Variants in LRRC37A2 observed in about 807,000 individuals in gnomAD.
LRRC37A2 encodes leucine-rich repeat-containing protein 37A2.
Under a neutral mutation model 68.8 loss-of-function variants are expected in LRRC37A2, and 9 were observed. The ratio of observed to expected loss-of-function variants is 0.13; its 90% CI spans 0.08 to 0.23. The LOEUF (loss-of-function observed/expected upper bound fraction) is 0.23. LRRC37A2 is among the 10% of genes least tolerant of loss of function. The pLI is 1.00. For missense variants in LRRC37A2, 168 were observed against 950.4 expected, an observed-to-expected ratio of 0.18 and a Z score of 10.82; for synonymous variants, 63 against 367.6, an observed-to-expected ratio of 0.17 and a Z score of 9.48.
At chr17:46,695,225 GAC>G in the LRRC37A2 span, among the ~76,000 whole-genome samples, 1 of 139,660 alleles carries the variant, frequency 7.2e-6, no homozygotes, top group Non-Finnish European at 1.5e-5. Flanking sequence ...CAGCCTGGGT[GAC>G]AGAGCGAGAT....
At chr17:46,742,236 A>G in the LRRC37A2 span, among the ~76,000 whole-genome samples, 5 of 152,218 alleles carry the variant, frequency 3.3e-5, no homozygotes, top group African/African-American at 1.2e-4. Context: ...ATTTGTTGCT[A>G]TCAACACTTG....
the LRRC37A2 span, among the ~76,000 whole-genome samples, chr17:46,493,175 T>G: frequency 1.1e-5 from 1 of 88,518 alleles, no homozygotes; most frequent in African/African-American, 5.2e-5. Flanking sequence ...TTTTTTTTTT[T>G]GAGACAGAGT....
At chr17:46,779,151 C>A in the LRRC37A2 span, among the ~76,000 whole-genome samples, 2 of 149,514 alleles carry the variant, frequency 1.3e-5, no homozygotes, top group African/African-American at 2.5e-5. Flanking sequence ...GCTAGGTATT[C>A]ATGATTCTGG....
At chr17:46,839,978 CTTCT>C in the LRRC37A2 span, among the ~76,000 whole-genome samples, 3 of 76,428 alleles carry the variant, frequency 3.9e-5, no homozygotes, top group Non-Finnish European at 8.3e-5. Context: ...CTTTCTTTCT[CTTCT>C]TTCTTTCTTT....
At chr17:46,937,057 C>T in the LRRC37A2 span, 1 of 152,888 alleles carries the variant, frequency 6.5e-6, no homozygotes, top group Admixed American at 6.6e-5. Flanking sequence ...TGGGGTCTGC[C>T]CCGGCATTCA....
the LRRC37A2 span, among the ~76,000 whole-genome samples, chr17:46,894,066 T>C: frequency 6.6e-6 from 1 of 152,236 alleles, no homozygotes; most frequent in Non-Finnish European, 1.5e-5. Context: ...GAATGCTTAC[T>C]GTGACCACTT....
chr17:47,015,561 C>T, the LRRC37A2 span, among the ~76,000 whole-genome samples: 2 of 152,162 alleles, frequency 1.3e-5, no homozygotes, highest in African/African-American at 2.4e-5. Flanking sequence ...AAGCTCCTCA[C>T]GTGGCAAGCA....
chr17:46,887,765 A>AAAAGAAAGAAAGAAAGAAAG, the LRRC37A2 span, among the ~76,000 whole-genome samples: 5 of 150,718 alleles, frequency 3.3e-5, no homozygotes, highest in African/African-American at 1.2e-4. Flanking sequence ...CTCCCTGTCC[A>AAAAGAAAGAAAGAAAGAAAG]AAAGAAAGAA....
chr17:46,823,844 T>C, the LRRC37A2 span, among the ~76,000 whole-genome samples: 1 of 152,218 alleles, frequency 6.6e-6, no homozygotes, highest in Admixed American at 6.5e-5. Context: ...TCTGAGTCCC[T>C]GGCTTCGGTT....
At chr17:46,848,929 C>T in the LRRC37A2 span, among the ~76,000 whole-genome samples, 14 of 143,694 alleles carry the variant, frequency 9.7e-5, no homozygotes, top group Admixed American at 2.8e-4. Context: ...CATGTGTGCA[C>T]GTGCACACAC....
the LRRC37A2 span, chr17:47,018,262 T>A: frequency 1.2e-6 from 2 of 1,611,358 alleles, no homozygotes; most frequent in Non-Finnish European, 1.7e-6. Context: ...GAACTTTCCA[T>A]CAGTGAGCAG....
the LRRC37A2 span, among the ~76,000 whole-genome samples, chr17:47,026,257 G>T: frequency 1.3e-5 from 2 of 152,158 alleles, no homozygotes; most frequent in African/African-American, 4.8e-5. Flanking sequence ...CAAAACACAG[G>T]AAAGTATTCA....
chr17:46,621,223 A>C, the LRRC37A2 span, among the ~76,000 whole-genome samples: 1 of 149,942 alleles, frequency 6.7e-6, no homozygotes, highest in African/African-American at 2.5e-5. Flanking sequence ...TTGCAGCAAT[A>C]GTTTACCTGT....
the LRRC37A2 span, among the ~76,000 whole-genome samples, chr17:46,663,632 GAA>G: frequency 2.5e-4 from 1 of 4,066 alleles, no homozygotes; most frequent in South Asian, 5.7e-3. Context: ...AACAAAGAAA[GAA>G]AAAACTATAA....
the LRRC37A2 span, among the ~76,000 whole-genome samples, chr17:46,773,059 A>G: frequency 6.6e-6 from 1 of 152,102 alleles, no homozygotes; most frequent in East Asian, 1.9e-4. Context: ...CTGCAGGTTC[A>G]AAGTCAAATC....
chr17:46,768,698 G>A, the LRRC37A2 span: 34 of 1,614,102 alleles, frequency 2.1e-5, no homozygotes, highest in African/African-American at 2.5e-4. This position sits in a 1 kb window ranked among gnomAD's most constrained non-coding sequence, Gnocchi z 5.0. Flanking sequence ...GGAAGTCACC[G>A]ATGGCACGGA....
chr17:46,766,940 T>C, the LRRC37A2 span, among the ~76,000 whole-genome samples: 16 of 152,282 alleles, frequency 1.1e-4, no homozygotes, highest in East Asian at 2.9e-3. Flanking sequence ...CTGGGGAGGA[T>C]GACAGATGAG....
At chr17:46,782,066 G>C in the LRRC37A2 span, among the ~76,000 whole-genome samples, 1 of 152,192 alleles carries the variant, frequency 6.6e-6, no homozygotes, top group Non-Finnish European at 1.5e-5. Context: ...TGGACCCAGG[G>C]GCTGCGGCCC....
the LRRC37A2 span, among the ~76,000 whole-genome samples, chr17:46,825,861 TA>T: frequency 8.6e-3 from 1,306 of 152,286 alleles, 17 homozygotes; most frequent in African/African-American, 0.029. Context: ...CTGTCTCTAC[TA>T]AAAATACAAA....
Sources: gnomAD v4.1 joint callset for allele counts (sites outside exome capture counted in the v4.1 genomes callset) on GRCh38, gnomAD v4.1.1 for gene constraint, Gnocchi (gnomAD v3.1) non-coding constraint, MANE v1.5 for transcripts, NCBI Gene and HGNC (gene_info 2026-07-23, HGNC 2026-07-21) for gene names.